ZFR: variants seen among roughly 807,000 people sequenced by gnomAD.
ZFR encodes the protein zinc finger RNA binding protein, also known as zinc finger RNA-binding protein.
A neutral mutation model predicts 130.7 loss-of-function variants in ZFR; 19 were observed. The observed-to-expected ratio is 0.15, with a 90% CI of 0.10 to 0.21. ZFR has a LOEUF of 0.21. Among genes scored for constraint, ZFR ranks in the 10% least tolerant of loss-of-function variants. The pLI is 1.00. For missense variants in ZFR, 872 were observed against 1,321.5 expected, an observed-to-expected ratio of 0.66 and a Z score of 5.27; for synonymous variants, 466 against 456.9, an observed-to-expected ratio of 1.02 and a Z score of -0.25.
chr5:32,404,149 T>G lies in ZFR; in HGVS notation c.1033-52A>C, dbSNP rs191073524. 2.6e-4 allele frequency: 378 copies of G among 1,462,878 alleles called. 1 individual carries two copies. The African/African-American group carries it at 5.1e-3, about 20-fold the overall frequency. 90.6% of individuals were successfully genotyped at this position (1,462,878 alleles called of 1,614,324 possible). A position where few individuals can be genotyped will look rare whatever the true frequency, so the allele number is the denominator to read the frequency against. On this transcript the variant is annotated intron_variant, in intron 6 of 19. Coordinates refer to ENST00000265069, the MANE Select transcript of ZFR (RefSeq NM_016107.5). ...TGCTTCACTAATTTTCTTTACACATTAAGATTATTCAATTCTCAAGAAATC... is the reference window on the plus strand; with the variant it reads ...TGCTTCACTAATTTTCTTTACACATGAAGATTATTCAATTCTCAAGAAATC...
intron 17 of ZFR, among the ~76,000 whole-genome samples, chr5:32,365,330 T>C (rs991805335): frequency 2.0e-5 from 3 of 152,158 alleles, no homozygotes; most frequent in African/African-American, 7.2e-5. Flanking sequence ...AAGTAAAAAC[T>C]GCGTCAACCT....
chr5:32,433,262 T>C (rs993497699), intron 2 of ZFR, among the ~76,000 whole-genome samples: 2 of 152,186 alleles, frequency 1.3e-5, no homozygotes, highest in Non-Finnish European at 2.9e-5. Flanking sequence ...ATAATTTCCA[T>C]TAAAATAAGG....
intron 16 of ZFR, chr5:32,379,749 A>T (rs1046975595): frequency 9.5e-6 from 2 of 210,186 alleles, no homozygotes; most frequent in African/African-American, 4.6e-5. Flanking sequence ...AGCAAAGTTA[A>T]TCTGCAGCCT....
At chr5:32,440,214 A>G (rs1203890606) in intron 2 of ZFR, among the ~76,000 whole-genome samples, 2 of 152,230 alleles carry the variant, frequency 1.3e-5, no homozygotes, top group Non-Finnish European at 2.9e-5. Flanking sequence ...CCTTTTGGCC[A>G]TGAAGCCATC....
intron 16 of ZFR, chr5:32,379,459 C>T: frequency 2.4e-6 from 1 of 418,788 alleles, no homozygotes; most frequent in East Asian, 4.7e-5. Context: ...CCCCTGTGAA[C>T]CTTGACCTGT....
At chr5:32,444,539 C>T (rs950374721) in intron 1 of ZFR, 83 bp downstream of exon 1, 2 of 1,409,078 alleles carry the variant, frequency 1.4e-6, no homozygotes, top group Non-Finnish European at 1.9e-6. Flanking sequence ...CTCCCCGGAG[C>T]CTGCCCCAAC....
At chr5:32,371,625 T>A (rs769573275) in intron 17 of ZFR, among the ~76,000 whole-genome samples, 1 of 151,802 alleles carries the variant, frequency 6.6e-6, no homozygotes, top group East Asian at 1.9e-4. Flanking sequence ...GAAATTTTCC[T>A]AAACGTAAAA....
Position 32,354,778 on chromosome 5 carries a change from T to A in ZFR, c.*982A>T, listed in dbSNP as rs1439623423. On this transcript the variant is annotated 3_prime_UTR_variant, in exon 20 of 20. Coordinates refer to ENST00000265069, the MANE Select transcript of ZFR (RefSeq NM_016107.5). ...TCTCACACACACCAATAAGGAACTGTCACCATAATTAAGGGCTAGTTACTG... is the reference window on the plus strand; with the variant it reads ...TCTCACACACACCAATAAGGAACTGACACCATAATTAAGGGCTAGTTACTG... 2 of 152,606 alleles carry A rather than the reference T, an allele frequency of 1.3e-5. No homozygotes were observed. Among genetic ancestry groups the A allele is most frequent in the African/African-American group, 4.8e-5 (2 of 41,452 alleles). 9.5% of individuals were successfully genotyped at this position (152,606 alleles called of 1,614,324 possible). A position where few individuals can be genotyped will look rare whatever the true frequency, so the allele number is the denominator to read the frequency against.
At chr5:32,368,619 G>T (rs565660878) in intron 17 of ZFR, among the ~76,000 whole-genome samples, 1 of 152,240 alleles carries the variant, frequency 6.6e-6, no homozygotes, top group Admixed American at 6.5e-5. Context: ...CATAAGAAAA[G>T]CACAAAAAAT....
chr5:32,436,140 CTTTTTTTTTTT>C (rs370998112), intron 2 of ZFR, among the ~76,000 whole-genome samples: 11 of 91,796 alleles, frequency 1.2e-4, no homozygotes, highest in South Asian at 4.1e-4. Context: ...CAGTTGTATT[CTTTTTTTTTTT>C]TTTTTTTTTT....
chr5:32,387,247 A>G (rs1393561799), intron 14 of ZFR, among the ~76,000 whole-genome samples: 1 of 152,170 alleles, frequency 6.6e-6, no homozygotes, highest in Non-Finnish European at 1.5e-5. Flanking sequence ...TGTCCTAACA[A>G]CTGCCTTCTT....
At chr5:32,416,892 A>G (rs1222641484) in intron 4 of ZFR, among the ~76,000 whole-genome samples, 1 of 141,598 alleles carries the variant, frequency 7.1e-6, no homozygotes, top group East Asian at 2.1e-4. Flanking sequence ...AAAAATAATT[A>G]AAGGAAGTGC....
intron 5 of ZFR, among the ~76,000 whole-genome samples, chr5:32,410,365 T>C (rs1753677070): frequency 6.6e-6 from 1 of 151,408 alleles, no homozygotes; most frequent in Non-Finnish European, 1.5e-5. Flanking sequence ...TCCCAACACT[T>C]TGAGAGGCGG....
chr5:32,401,789 A>T (rs1434792054), intron 8 of ZFR, among the ~76,000 whole-genome samples: 1 of 152,180 alleles, frequency 6.6e-6, no homozygotes, highest in Non-Finnish European at 1.5e-5. Context: ...TAAGAAATAA[A>T]GCTCCAAGGA....
intron 15 of ZFR, among the ~76,000 whole-genome samples, chr5:32,382,559 T>G (rs931958567): frequency 9.2e-5 from 14 of 152,226 alleles, no homozygotes; most frequent in Non-Finnish European, 1.8e-4. Flanking sequence ...CATTCATAAC[T>G]TTGGAAATTG....
intron 9 of ZFR, among the ~76,000 whole-genome samples, chr5:32,398,446 G>A (rs1024875988): frequency 4.6e-5 from 7 of 152,146 alleles, no homozygotes; most frequent in Admixed American, 1.3e-4. Flanking sequence ...TATGAATACT[G>A]AGTTCAAATT....
At chr5:32,393,939 GA>G (rs1284067781) in intron 11 of ZFR, among the ~76,000 whole-genome samples, 1 of 152,110 alleles carries the variant, frequency 6.6e-6, no homozygotes, top group Non-Finnish European at 1.5e-5. Flanking sequence ...CTATAATAAG[GA>G]AACACTGGAA....
intron 19 of ZFR, 105 bp from the exon 20 acceptor site, chr5:32,356,044 TGAAA>T: frequency 2.4e-6 from 2 of 835,312 alleles, no homozygotes; most frequent in Non-Finnish European, 3.5e-6. Context: ...GCATGTGTAA[TGAAA>T]GAAACATTTA....
intron 15 of ZFR, 116 bp from the exon 16 acceptor site, chr5:32,380,288 C>CT: frequency 3.3e-6 from 2 of 609,208 alleles, no homozygotes; most frequent in Non-Finnish European, 6.0e-6. Context: ...CTTGTTGGCA[C>CT]TTTAATATAT....
Sources: gnomAD v4.1 joint callset for allele counts (sites outside exome capture counted in the v4.1 genomes callset) on GRCh38, gnomAD v4.1.1 for gene constraint, MANE v1.5 for transcripts, NCBI Gene and HGNC (gene_info 2026-07-23, HGNC 2026-07-21) for gene names.